Variants in GPR39 observed in about 807,000 individuals in gnomAD.
GPR39 encodes zinc sensing receptor.
Under a neutral mutation model 18.4 loss-of-function variants are expected in GPR39, and 23 were observed. The ratio of observed to expected loss-of-function variants is 1.25; its 90% CI spans 0.90 to 1.77. GPR39 has a LOEUF of 1.77. Among genes scored for constraint, GPR39 ranks in the 40% most tolerant of loss-of-function variants. The pLI is 0.00. For synonymous variants in GPR39, 280 were observed against 257.9 expected (o/e 1.09, Z -0.82); for missense variants, 647 against 602.4 (o/e 1.07, Z -0.78).
chr2:132,479,484 AC>A (rs1452420247), intron 1 of GPR39, among the ~76,000 whole-genome samples: 1 of 152,210 alleles, frequency 6.6e-6, no homozygotes, highest in Non-Finnish European at 1.5e-5. Context: ...GTGGAATGAG[AC>A]AGTACGAAAT....
At chr2:132,485,714 C>T (rs1681323752) in intron 1 of GPR39, among the ~76,000 whole-genome samples, 1 of 152,198 alleles carries the variant, frequency 6.6e-6, no homozygotes, top group Non-Finnish European at 1.5e-5. Context: ...TCTTCAGGCT[C>T]CACTTCTAAT....
chr2:132,562,641 C>G (rs181831175), intron 1 of GPR39, among the ~76,000 whole-genome samples: 79 of 152,056 alleles, frequency 5.2e-4, no homozygotes, highest in African/African-American at 1.7e-3. Flanking sequence ...CTTTGGATAC[C>G]CTAGCACCCA....
intron 1 of GPR39, among the ~76,000 whole-genome samples, chr2:132,457,412 G>A (rs938082162): frequency 1.3e-5 from 2 of 152,224 alleles, no homozygotes; most frequent in Non-Finnish European, 2.9e-5. Context: ...GCTTCCTTGC[G>A]ATGGGTTCGA....
At chr2:132,543,129 T>G (rs12477192) in intron 1 of GPR39, among the ~76,000 whole-genome samples, 25,419 of 152,022 alleles carry the variant, frequency 0.17, 2,508 homozygotes, top group African/African-American at 0.26. Context: ...AAGTGGACAT[T>G]AAAGAGTGAG....
At chr2:132,563,558 T>C (rs1680292728) in intron 1 of GPR39, among the ~76,000 whole-genome samples, 1 of 152,114 alleles carries the variant, frequency 6.6e-6, no homozygotes. Context: ...AAAAATGAGA[T>C]CCAACAAGGT....
chr2:132,531,887 A>T, intron 1 of GPR39, among the ~76,000 whole-genome samples: 1 of 152,232 alleles, frequency 6.6e-6, no homozygotes, highest in Non-Finnish European at 1.5e-5. Flanking sequence ...AATGCCCACA[A>T]GAGAAAGCAG....
At chr2:132,631,738 C>A (rs1461910825) in intron 1 of GPR39, among the ~76,000 whole-genome samples, 6 of 151,790 alleles carry the variant, frequency 4.0e-5, no homozygotes, top group Admixed American at 3.9e-4. Context: ...ATTCCAGATT[C>A]TGTTTATGGG....
At chr2:132,459,065 C>T (rs999958671) in intron 1 of GPR39, among the ~76,000 whole-genome samples, 2 of 152,228 alleles carry the variant, frequency 1.3e-5, no homozygotes, top group African/African-American at 4.8e-5. Flanking sequence ...TTGCTCCTCA[C>T]TTTACAGTGT....
intron 1 of GPR39, among the ~76,000 whole-genome samples, chr2:132,540,997 C>T (rs151128960): frequency 1.5e-3 from 227 of 152,124 alleles, no homozygotes; most frequent in Non-Finnish European, 2.4e-3. Flanking sequence ...CCCTCTTGCC[C>T]CATTGACCTG....
chr2:132,594,487 T>C (rs4954346), intron 1 of GPR39, among the ~76,000 whole-genome samples: 63,000 of 151,708 alleles, frequency 0.42, 14,071 homozygotes, highest in East Asian at 0.64. Context: ...ATTTCTTTCC[T>C]ATCCCTCTGG....
chr2:132,633,851 G>A (rs557383275), intron 1 of GPR39, among the ~76,000 whole-genome samples: 1 of 152,242 alleles, frequency 6.6e-6, no homozygotes, highest in South Asian at 2.1e-4. Context: ...GATGTTGGTG[G>A]GGGTGGTAGC....
chr2:132,457,743 G>A (rs1200193377), intron 1 of GPR39, among the ~76,000 whole-genome samples: 2 of 152,354 alleles, frequency 1.3e-5, no homozygotes, highest in Admixed American at 6.5e-5. Flanking sequence ...CCACAGAGGT[G>A]GAGTCTAGAG....
chr2:132,585,246 G>A (rs1405756255), intron 1 of GPR39, among the ~76,000 whole-genome samples: 1 of 152,018 alleles, frequency 6.6e-6, no homozygotes, highest in Non-Finnish European at 1.5e-5. Context: ...GTGGGCCCTT[G>A]AAGCAGTCAC....
intron 1 of GPR39, among the ~76,000 whole-genome samples, chr2:132,423,062 A>G (rs1407326331): frequency 6.6e-6 from 1 of 151,960 alleles, no homozygotes; most frequent in African/African-American, 2.4e-5. Flanking sequence ...CTGGCTGTAC[A>G]AGGCAAGGTC....
chr2:132,536,495 G>A (rs766864299), intron 1 of GPR39, among the ~76,000 whole-genome samples: 3 of 152,146 alleles, frequency 2.0e-5, no homozygotes, highest in Admixed American at 6.6e-5. Context: ...CAATTATATG[G>A]TCGACTTTAG....
At chr2:132,435,293 C>T (rs748525201) in intron 1 of GPR39, among the ~76,000 whole-genome samples, 4 of 152,032 alleles carry the variant, frequency 2.6e-5, no homozygotes, top group Non-Finnish European at 2.9e-5. Flanking sequence ...AAAACCAACC[C>T]CTCCTTCCTC....
At chr2:132,427,090 C>T (rs1403474522) in intron 1 of GPR39, among the ~76,000 whole-genome samples, 1 of 105,342 alleles carries the variant, frequency 9.5e-6, no homozygotes, top group East Asian at 2.4e-4. Context: ...ATATAATATA[C>T]ATATATAGGT....
At chr2:132,491,063 ATC>A (rs896415322) in intron 1 of GPR39, among the ~76,000 whole-genome samples, 30 of 152,326 alleles carry the variant, frequency 2.0e-4, no homozygotes, top group African/African-American at 6.3e-4. Context: ...CCCTAAATTA[ATC>A]TCTTTTTTTT....
intron 1 of GPR39, among the ~76,000 whole-genome samples, chr2:132,473,604 A>T (rs1280393001): frequency 6.6e-6 from 1 of 152,200 alleles, no homozygotes; most frequent in African/African-American, 2.4e-5. Context: ...ATTCAGTACC[A>T]GAGTCCATGC....
Sources: allele counts gnomAD v4.1 joint callset (sites outside exome capture counted in the v4.1 genomes callset), GRCh38; gene constraint gnomAD v4.1.1; transcripts MANE v1.5; gene names NCBI Gene and HGNC (gene_info 2026-07-23, HGNC 2026-07-21).